Variants in HAUS8 observed in about 807,000 individuals in gnomAD.
The protein encoded by HAUS8 is HAUS augmin-like complex subunit 8.
In HAUS8, 38 loss-of-function variants were observed where a neutral mutation model predicts 42.9. The ratio of observed to expected loss-of-function variants is 0.89; its 90% CI spans 0.68 to 1.16. HAUS8 has a LOEUF of 1.16. Among genes scored for constraint, HAUS8 ranks in the 50% most tolerant of loss-of-function variants. The probability of loss-of-function intolerance (pLI) is 0.00; values close to 1 mark genes in which losing one functional copy is unlikely to be tolerated. For missense variants in HAUS8, 494 were observed against 511.6 expected, an observed-to-expected ratio of 0.97 and a Z score of 0.33; for synonymous variants, 199 against 205.8, an observed-to-expected ratio of 0.97 and a Z score of 0.28.
intron 2 of HAUS8, among the ~76,000 whole-genome samples, chr19:17,072,283 T>G (rs1057448962): frequency 6.6e-6 from 1 of 151,124 alleles, no homozygotes; most frequent in Non-Finnish European, 1.5e-5. Context: ...CATTGTATCA[T>G]AGTCTTGGCC....
intron 2 of HAUS8, among the ~76,000 whole-genome samples, chr19:17,072,819 G>T (rs188085713): frequency 2.6e-5 from 4 of 152,030 alleles, no homozygotes; most frequent in Admixed American, 1.3e-4. Flanking sequence ...AGTGGGAATT[G>T]AGAGTTTGAT....
At chr19:17,055,704 G>C in intron 9 of HAUS8, 157 bp downstream of exon 9, 1 of 719,312 alleles carries the variant, frequency 1.4e-6, no homozygotes, top group Non-Finnish European at 2.3e-6. Flanking sequence ...CTCAGGGCGA[G>C]ACCCTTGGAG....
At chr19:17,071,025 G>A (rs1010597301) in intron 2 of HAUS8, among the ~76,000 whole-genome samples, 1 of 151,522 alleles carries the variant, frequency 6.6e-6, no homozygotes, top group Non-Finnish European at 1.5e-5. Flanking sequence ...AGCCGAGATC[G>A]TGCCATTGCA....
At chr19:17,075,255 G>A in intron 1 of HAUS8, 139 bp downstream of exon 1, 1 of 894,030 alleles carries the variant, frequency 1.1e-6, no homozygotes, top group South Asian at 1.4e-5. Flanking sequence ...CACGCCATCG[G>A]GGTCTTCAGG....
At chr19:17,053,322 T>C in intron 9 of HAUS8, 1 of 280,944 alleles carries the variant, frequency 3.6e-6, no homozygotes, top group Non-Finnish European at 6.9e-6. Context: ...CAGTCCTTGT[T>C]GCCTGCACCA....
At chr19:17,056,041 C>A (rs753833485) in intron 8 of HAUS8, 39 bp from the exon 9 acceptor site, 29 of 1,606,248 alleles carry the variant, frequency 1.8e-5, no homozygotes, top group Non-Finnish European at 2.4e-5. Context: ...ACCCTGGAGT[C>A]CCCTCTCTGG....
chr19:17,062,749 CTCG>C lies in HAUS8; in HGVS notation c.175_177del (p.Arg59del). On this transcript the variant is annotated inframe_deletion, in exon 4 of 11. Transcript: ENST00000253669. ...TTCCTTCCACCTTCAGACATCTTCCCTCGGGTCTGTGACCCATCTCCTGCAGGA... is the reference window on the plus strand; with the variant it reads ...TTCCTTCCACCTTCAGACATCTTCCCGGTCTGTGACCCATCTCCTGCAGGA... 1.2e-6 allele frequency: 2 copies of C among 1,614,138 alleles called. No individual in the cohort carries two copies. The highest frequency in any genetic ancestry group is 1.7e-6 in the Non-Finnish European group (2 of 1,179,988).
At chr19:17,074,828 G>A (rs1271049074) in intron 1 of HAUS8, 1 of 152,890 alleles carries the variant, frequency 6.5e-6, no homozygotes, top group East Asian at 1.9e-4. Context: ...ATAGCCTCAT[G>A]ATCATTCATG....
Position 17,055,824 on chromosome 19 carries a change from G to A in HAUS8, c.787+37C>T, listed in dbSNP as rs192960134. On this transcript the variant is annotated intron_variant, in intron 9 of 10. Transcript: ENST00000253669. ...AGCACCCACACACGCTCCTCGCCCCGCCTGCTGCACACGCACTGGGACGCC... is the reference window on the plus strand; with the variant it reads ...AGCACCCACACACGCTCCTCGCCCCACCTGCTGCACACGCACTGGGACGCC... 1,222 of 1,592,350 alleles carry A rather than the reference G, an allele frequency of 7.7e-4. 10 individuals are homozygous for A. The African/African-American group carries it at 0.015, about 20-fold the overall frequency.
intron 3 of HAUS8, among the ~76,000 whole-genome samples, chr19:17,068,506 C>G (rs184010288): frequency 6.6e-6 from 1 of 152,188 alleles, no homozygotes; most frequent in Non-Finnish European, 1.5e-5. Flanking sequence ...AGGGCTCACA[C>G]TTGTAATCCC....
chr19:17,053,326 T>A, intron 9 of HAUS8: 1 of 270,364 alleles, frequency 3.7e-6, no homozygotes. Flanking sequence ...CCTTGTTGCC[T>A]GCACCACTGA....
At chr19:17,054,233 G>A (rs557173903) in intron 9 of HAUS8, among the ~76,000 whole-genome samples, 9 of 152,264 alleles carry the variant, frequency 5.9e-5, no homozygotes, top group East Asian at 1.9e-4. Flanking sequence ...TTCTGTGGCC[G>A]CTTGGTATGG....
intron 8 of HAUS8, among the ~76,000 whole-genome samples, chr19:17,057,148 GA>G (rs1442361660): frequency 3.3e-5 from 5 of 151,930 alleles, no homozygotes; most frequent in Admixed American, 3.3e-4. Flanking sequence ...TCCAGAGTTC[GA>G]GACCAGCCTG....
Position 17,075,448 on chromosome 19 carries a change from G to A in HAUS8, c.-26C>T. 4 of 1,613,068 alleles carry A rather than the reference G, an allele frequency of 2.5e-6. No individual in the cohort carries two copies. The highest frequency in any genetic ancestry group is 1.3e-5 in the African/African-American group (1 of 75,052). On this transcript the variant is annotated 5_prime_UTR_variant, in exon 1 of 11. Transcript: ENST00000253669. ...TTTCCCGCCTTCCACCTCAAGGCCCGACCCGCCGGCTTTTCAAAGCCGGAC... is the reference window on the plus strand; with the variant it reads ...TTTCCCGCCTTCCACCTCAAGGCCCAACCCGCCGGCTTTTCAAAGCCGGAC...
chr19:17,058,528 A>G (rs1170980160), intron 8 of HAUS8, 21 bp downstream of exon 8: 2 of 1,567,770 alleles, frequency 1.3e-6, no homozygotes, highest in African/African-American at 2.8e-5. Flanking sequence ...CACTGGTCAC[A>G]GAGTGTCACT....
chr19:17,050,229 A>G (rs1447056011), intron 10 of HAUS8, 53 bp from the exon 11 acceptor site: 4 of 1,379,390 alleles, frequency 2.9e-6, no homozygotes, highest in Non-Finnish European at 3.8e-6. Flanking sequence ...GGTGAAGCGC[A>G]TGTGTGTGGT....
At chr19:17,070,002 G>A (rs2124896) in intron 2 of HAUS8, among the ~76,000 whole-genome samples, 33,734 of 151,470 alleles carry the variant, frequency 0.22, 4,207 homozygotes, top group East Asian at 0.37. Flanking sequence ...GAAATGCCCC[G>A]CAACTCCCAC....
chr19:17,075,470 G>T, upstream of HAUS8: 2 of 1,608,862 alleles, frequency 1.2e-6, no homozygotes, highest in Non-Finnish European at 8.5e-7. Flanking sequence ...TTTCAAAGCC[G>T]GACCCGCCCC....
chr19:17,056,372 C>T lies in HAUS8; in HGVS notation c.646-370G>A, dbSNP rs141957202. 1.4e-4 allele frequency among the ~76,000 whole-genome samples: 22 copies of T among 152,278 alleles called. No homozygotes were observed. The East Asian group carries it at 1.7e-3, about 12-fold the overall frequency. ...CTTCATGGGGGTTTGAAATGATATA[C>T]GATTGACCCTTGAGCAACACGGGAG... is the stretch of plus-strand genomic sequence containing the variant. On this transcript the variant is annotated intron_variant, in intron 8 of 10. Coordinates refer to ENST00000253669, the MANE Select transcript of HAUS8 (RefSeq NM_033417.2).
Sources: gnomAD v4.1 joint callset for allele counts (sites outside exome capture counted in the v4.1 genomes callset) on GRCh38, gnomAD v4.1.1 for gene constraint, MANE v1.5 for transcripts, NCBI Gene and HGNC (gene_info 2026-07-23, HGNC 2026-07-21) for gene names.